KREMEN1: variants seen among roughly 807,000 people sequenced by gnomAD.
The protein encoded by KREMEN1 is kringle containing transmembrane protein 1, also known as kremen protein 1.
In KREMEN1, 30 loss-of-function variants were observed where a neutral mutation model predicts 46.5. The observed-to-expected ratio is 0.65, with a 90% confidence interval of 0.48 to 0.88. The LOEUF is 0.88. Ranked by LOEUF, KREMEN1 falls within the 40% of genes least tolerant of loss-of-function variation. KREMEN1 has a pLI of 0.00. For synonymous variants in KREMEN1, 214 were observed against 230.6 expected, an observed-to-expected ratio of 0.93 and a Z score of 0.65; for missense variants, 533 against 596.9, an observed-to-expected ratio of 0.89 and a Z score of 1.11.
Position 29,144,360 on chromosome 22 carries a change from G to A in KREMEN1, c.*2248G>A, listed in dbSNP as rs928504241. The A allele has an allele frequency of 3.5e-5, 35 of 985,948 alleles. No individual in the cohort carries two copies. Among genetic ancestry groups the A allele is most frequent in the Non-Finnish European group, 4.0e-5 (33 of 830,310 alleles). The allele number at this position is 985,948 out of a possible 1,614,324, so 61.1% of individuals were successfully genotyped here. A position where few individuals can be genotyped will look rare whatever the true frequency, so the allele number is the denominator to read the frequency against. On this transcript the variant is annotated 3_prime_UTR_variant, in exon 9 of 9. Transcript: ENST00000400335. ...GGTGCTTGGAGCTTCAGGCAGAGGG[G>A]CCTTCAGAGGAGGGAAACGGAGCAA...
rs372602179 is a variant in KREMEN1, at chr22:29,125,372, A to T, written c.587A>T (p.His196Leu). 1.2e-5 allele frequency: 19 copies of T among 1,614,086 alleles called. No homozygotes were observed. Among genetic ancestry groups the T allele is most frequent in the African/African-American group, 2.7e-5 (2 of 74,924 alleles). The stretch of plus-strand genomic sequence containing the variant: ...TGCAACAGCGTCTGCTTCGGGGATC[A>T]CACCCAACCCTGTGGTGGCGATGGC... ...TECNSVCFGD[H>L]TQPCGGDGRI... The change falls in exon 5 of 9, where the codon CAC becomes CTC. Residue 196 changes from histidine to leucine, a missense_variant. His to Leu is a moderately conservative substitution (Grantham distance 99, BLOSUM62 -3). Transcript: ENST00000400335.
intron 1 of KREMEN1, among the ~76,000 whole-genome samples, chr22:29,083,580 C>G (rs2037688423): frequency 6.6e-6 from 1 of 152,142 alleles, no homozygotes; most frequent in Non-Finnish European, 1.5e-5. Flanking sequence ...GCCTGTAATC[C>G]CAACACTTTG....
At chr22:29,113,152 G>T (rs2038178102) in intron 3 of KREMEN1, among the ~76,000 whole-genome samples, 1 of 152,192 alleles carries the variant, frequency 6.6e-6, no homozygotes, top group Non-Finnish European at 1.5e-5. Context: ...TGGAATGGGA[G>T]TCGGCAATCC....
chr22:29,096,266 CAAA>C, intron 2 of KREMEN1, among the ~76,000 whole-genome samples: 2 of 152,202 alleles, frequency 1.3e-5, no homozygotes, highest in Middle Eastern at 6.8e-3. Context: ...CTTCTTGTTC[CAAA>C]ATATCTCTTG....
chr22:29,157,752 C>T (rs999859133), intron 9 of KREMEN1, among the ~76,000 whole-genome samples: 1 of 152,208 alleles, frequency 6.6e-6, no homozygotes. Context: ...GAAAGCCAAT[C>T]CCCCTAGATA....
intron 3 of KREMEN1, among the ~76,000 whole-genome samples, chr22:29,120,733 G>T (rs985289500): frequency 2.6e-5 from 3 of 116,128 alleles, no homozygotes; most frequent in South Asian, 3.1e-4. Context: ...CTCCCCTTGA[G>T]CCTCTAGGAG....
chr22:29,084,533 G>C (rs1312484712), intron 1 of KREMEN1, among the ~76,000 whole-genome samples: 1 of 152,202 alleles, frequency 6.6e-6, no homozygotes, highest in Non-Finnish European at 1.5e-5. Context: ...ATGTTTTCCA[G>C]GGGGCCCTGC....
At chr22:29,103,401 C>A (rs555189645) in intron 3 of KREMEN1, among the ~76,000 whole-genome samples, 2 of 152,060 alleles carry the variant, frequency 1.3e-5, no homozygotes, top group East Asian at 3.9e-4. Context: ...AGGAGGCAGA[C>A]CTGAAGTACA....
At chr22:29,135,592 G>A (rs1236466325) in intron 5 of KREMEN1, among the ~76,000 whole-genome samples, 2 of 152,280 alleles carry the variant, frequency 1.3e-5, no homozygotes, top group East Asian at 1.9e-4. Context: ...TGGCCAACCC[G>A]AGTCACTTGT....
intron 2 of KREMEN1, among the ~76,000 whole-genome samples, chr22:29,094,829 T>A (rs2037860373): frequency 6.6e-6 from 1 of 152,078 alleles, no homozygotes; most frequent in African/African-American, 2.4e-5. Context: ...TTCAACCGTG[T>A]TAGCCAGGAT....
Position 29,166,471 on chromosome 22 carries a change from G to A in KREMEN1, c.1417-573G>A, listed in dbSNP as rs73882488. ...GCATGGGGAGGTCCCCCTAGACCTC[G>A]AGCCTAAGCCTCGAACTCTGGCCCA... On this transcript the variant is annotated intron_variant, in intron 9 of 9. Transcript: ENST00000327813. Among the ~76,000 whole-genome samples the A allele has an allele frequency of 4.2e-3, 643 of 152,246 alleles. 5 individuals carry two copies. The highest frequency in any genetic ancestry group is 0.014 in the African/African-American group (575 of 41,540).
chr22:29,100,767 A>G (rs906577317), intron 3 of KREMEN1, among the ~76,000 whole-genome samples: 1 of 152,170 alleles, frequency 6.6e-6, no homozygotes, highest in African/African-American at 2.4e-5. Flanking sequence ...TTCACAGATG[A>G]CAGCTCCATG....
intron 2 of KREMEN1, among the ~76,000 whole-genome samples, chr22:29,096,865 C>G (rs144815312): frequency 6.6e-6 from 1 of 152,342 alleles, no homozygotes; most frequent in Non-Finnish European, 1.5e-5. Context: ...TACAAGTTCT[C>G]CTACTTTGAT....
At chr22:29,152,979 A>G (rs1395956281) in intron 9 of KREMEN1, among the ~76,000 whole-genome samples, 1 of 152,202 alleles carries the variant, frequency 6.6e-6, no homozygotes, top group Non-Finnish European at 1.5e-5. Flanking sequence ...TTGATGATAT[A>G]CTAAACAAGG....
At chr22:29,092,089 T>C (rs1387549495) in intron 1 of KREMEN1, among the ~76,000 whole-genome samples, 1 of 152,096 alleles carries the variant, frequency 6.6e-6, no homozygotes, top group Non-Finnish European at 1.5e-5. Context: ...CTATGGAGAA[T>C]GGATTGTGAG....
chr22:29,115,989 A>G (rs1250124548), intron 3 of KREMEN1, among the ~76,000 whole-genome samples: 4 of 152,090 alleles, frequency 2.6e-5, no homozygotes, highest in African/African-American at 9.7e-5. Context: ...ACCATGTGAG[A>G]AAGTTTGGAC....
intron 1 of KREMEN1, among the ~76,000 whole-genome samples, chr22:29,089,428 A>T (rs1361687794): frequency 1.3e-5 from 2 of 152,032 alleles, no homozygotes; most frequent in Non-Finnish European, 2.9e-5. Flanking sequence ...TATATCTGGA[A>T]TCGGTCCACT....
intron 3 of KREMEN1, among the ~76,000 whole-genome samples, chr22:29,103,434 A>C (rs896183862): frequency 3.3e-5 from 5 of 152,210 alleles, no homozygotes; most frequent in African/African-American, 1.2e-4. Flanking sequence ...GCAGAGGGAA[A>C]TCTGAACTGC....
intron 8 of KREMEN1, among the ~76,000 whole-genome samples, chr22:29,141,161 A>G (rs1384259600): frequency 6.6e-5 from 10 of 152,202 alleles, no homozygotes; most frequent in Middle Eastern, 6.8e-3. Flanking sequence ...CTTTGGCCAC[A>G]TTGGAACCCC....
Sources: gnomAD v4.1 joint callset for allele counts (sites outside exome capture counted in the v4.1 genomes callset) on GRCh38, gnomAD v4.1.1 for gene constraint, MANE v1.5 for transcripts, NCBI Gene and HGNC (gene_info 2026-07-23, HGNC 2026-07-21) for gene names.